The following MAPKAP1 variants were observed in gnomAD, a reference collection of about 807,000 sequenced individuals.
The protein encoded by MAPKAP1 is MAPK associated protein 1, also known as target of rapamycin complex 2 subunit MAPKAP1.
MAPKAP1 carries 20 observed loss-of-function variants against 65.7 expected under a neutral mutation model. The observed-to-expected ratio is 0.30, with a 90% confidence interval of 0.21 to 0.44. The LOEUF is 0.44. MAPKAP1 is among the 20% of genes least tolerant of loss of function. The pLI is 1.00. For missense variants in MAPKAP1, 423 were observed against 648.0 expected (o/e 0.65, Z 3.77); for synonymous variants, 222 against 244.3 (o/e 0.91, Z 0.85).
intron 4 of MAPKAP1, among the ~76,000 whole-genome samples, chr9:125,652,896 G>A (rs773298975): frequency 6.6e-6 from 1 of 152,020 alleles, no homozygotes; most frequent in South Asian, 2.1e-4. Context: ...TCTTCTTTAC[G>A]ACACTATTCT....
chr9:125,541,345 A>G (rs1043418207), intron 7 of MAPKAP1, among the ~76,000 whole-genome samples: 3 of 152,202 alleles, frequency 2.0e-5, no homozygotes, highest in African/African-American at 7.2e-5. Context: ...TAGGAGTTTC[A>G]TGGTCTGAAA....
chr9:125,696,427 A>C (rs890264788), intron 1 of MAPKAP1: 1 of 151,850 alleles, frequency 6.6e-6, no homozygotes, highest in Non-Finnish European at 1.5e-5. Flanking sequence ...AAAAACAAAA[A>C]AAAAACAAAA....
chr9:125,531,706 A>C (rs1334616993), intron 7 of MAPKAP1, among the ~76,000 whole-genome samples: 1 of 152,218 alleles, frequency 6.6e-6, no homozygotes, highest in Admixed American at 6.5e-5. Context: ...AGTTGAAAGA[A>C]CTGAACACTG....
At chr9:125,664,351 A>G (rs1446502743) in intron 3 of MAPKAP1, among the ~76,000 whole-genome samples, 1 of 151,640 alleles carries the variant, frequency 6.6e-6, no homozygotes, top group East Asian at 1.9e-4. Flanking sequence ...CCGTCTCAAA[A>G]AAAATAAAAA....
intron 1 of MAPKAP1, among the ~76,000 whole-genome samples, chr9:125,698,292 T>TATATATATATATATATAAA (rs1835467579): frequency 2.5e-4 from 1 of 3,964 alleles, no homozygotes; most frequent in African/African-American, 1.1e-3. Context: ...TATATAAATA[T>TATATATATATATATATAAA]ATATATATAT....
intron 8 of MAPKAP1, among the ~76,000 whole-genome samples, chr9:125,488,859 A>T (rs1333553839): frequency 6.6e-6 from 1 of 152,256 alleles, no homozygotes; most frequent in African/African-American, 2.4e-5. Flanking sequence ...AGAAGTGCCT[A>T]AAAATGGTGC....
chr9:125,691,125 G>A (rs1023688120), intron 1 of MAPKAP1, among the ~76,000 whole-genome samples: 1 of 152,132 alleles, frequency 6.6e-6, no homozygotes, highest in African/African-American at 2.4e-5. Context: ...GCCGGGCGTG[G>A]TGGCGGGCGC....
At chr9:125,511,681 A>G (rs1829305136) in intron 7 of MAPKAP1, among the ~76,000 whole-genome samples, 1 of 152,218 alleles carries the variant, frequency 6.6e-6, no homozygotes, top group Non-Finnish European at 1.5e-5. Context: ...GTCAATTTCT[A>G]TGAATATACT....
intron 4 of MAPKAP1, among the ~76,000 whole-genome samples, chr9:125,588,506 C>T (rs141992546): frequency 3.9e-5 from 6 of 152,088 alleles, no homozygotes; most frequent in South Asian, 2.1e-4. Flanking sequence ...ACCACAGAAC[C>T]GTACACTTTA....
At chr9:125,702,862 A>C (rs1217013164) in intron 1 of MAPKAP1, among the ~76,000 whole-genome samples, 5 of 149,442 alleles carry the variant, frequency 3.3e-5, no homozygotes, top group East Asian at 3.9e-4. Context: ...CAAAAAAAGA[A>C]AAAAAAAAAA....
At chr9:125,660,564 C>T (rs193067024) in intron 3 of MAPKAP1, among the ~76,000 whole-genome samples, 72 of 152,346 alleles carry the variant, frequency 4.7e-4, no homozygotes, top group Non-Finnish European at 4.4e-4. Flanking sequence ...GACACTTTCA[C>T]TTGGATGTCC....
intron 6 of MAPKAP1, among the ~76,000 whole-genome samples, chr9:125,554,704 G>T (rs374263921): frequency 1.3e-5 from 2 of 149,726 alleles, no homozygotes; most frequent in African/African-American, 2.5e-5. Flanking sequence ...GCTGAGGCAG[G>T]AGGGTCCTTT....
intron 1 of MAPKAP1, among the ~76,000 whole-genome samples, chr9:125,698,316 T>TATATAAA (rs1564622557): frequency 8.1e-5 from 7 of 86,640 alleles, no homozygotes; most frequent in East Asian, 4.0e-4. Flanking sequence ...TATATATATA[T>TATATAAA]ATATATATAT....
At chr9:125,515,650 C>T (rs1018532715) in intron 7 of MAPKAP1, among the ~76,000 whole-genome samples, 1 of 152,216 alleles carries the variant, frequency 6.6e-6, no homozygotes, top group Non-Finnish European at 1.5e-5. Flanking sequence ...TAAATTGAAC[C>T]GATCACCAGA....
intron 5 of MAPKAP1, among the ~76,000 whole-genome samples, chr9:125,569,055 G>T (rs578072977): frequency 6.6e-6 from 1 of 152,142 alleles, no homozygotes; most frequent in Non-Finnish European, 1.5e-5. Flanking sequence ...GGTAAAACAC[G>T]GGCTTAGAAC....
chr9:125,578,177 T>C (rs1177358999), intron 5 of MAPKAP1, among the ~76,000 whole-genome samples: 1 of 152,082 alleles, frequency 6.6e-6, no homozygotes, highest in Non-Finnish European at 1.5e-5. Flanking sequence ...CCACTCAGGG[T>C]TGAATGGATT....
intron 7 of MAPKAP1, among the ~76,000 whole-genome samples, chr9:125,534,220 A>T (rs1830010908): frequency 6.6e-6 from 1 of 152,200 alleles, no homozygotes; most frequent in South Asian, 2.1e-4. Flanking sequence ...TATAACCTAT[A>T]TGTATATCTG....
At chr9:125,475,749 T>A (rs1383282192) in intron 9 of MAPKAP1, among the ~76,000 whole-genome samples, 5 of 152,196 alleles carry the variant, frequency 3.3e-5, no homozygotes, top group Non-Finnish European at 5.9e-5. Flanking sequence ...GACAGCTAGA[T>A]CACCAAACTA....
chr9:125,586,952 A>G (rs1399622195), intron 4 of MAPKAP1, among the ~76,000 whole-genome samples: 2 of 152,214 alleles, frequency 1.3e-5, no homozygotes, highest in African/African-American at 4.8e-5. Flanking sequence ...CACACTGCCT[A>G]TCTACTCCAT....
Sources: allele counts gnomAD v4.1 joint callset (sites outside exome capture counted in the v4.1 genomes callset), GRCh38; gene constraint gnomAD v4.1.1; transcripts MANE v1.5; gene names NCBI Gene and HGNC (gene_info 2026-07-23, HGNC 2026-07-21).